The following NBAS variants were observed in gnomAD, a reference collection of about 807,000 sequenced individuals.
The protein encoded by NBAS is NBAS subunit of NRZ tethering complex.
In NBAS, 219 loss-of-function variants were observed where a neutral mutation model predicts 302.5. The observed-to-expected ratio is 0.72, with a 90% CI of 0.65 to 0.81. The LOEUF is 0.81. Ranked by LOEUF, NBAS falls within the 30% of genes least tolerant of loss-of-function variation. The pLI, the probability that NBAS is intolerant of heterozygous loss-of-function variation, is 0.00. For synonymous variants in NBAS, 1,118 were observed against 1,021.6 expected (o/e 1.09, Z -1.80); for missense variants, 2,932 against 2,841.6 (o/e 1.03, Z -0.72).
chr2:15,011,481 A>C, the NBAS span, among the ~76,000 whole-genome samples: 1 of 152,292 alleles, frequency 6.6e-6, no homozygotes, highest in South Asian at 2.1e-4. Context: ...GGAGAAACAG[A>C]CCCATGGGCC....
At chr2:15,459,988 AT>A (rs1295397161) in intron 21 of NBAS, among the ~76,000 whole-genome samples, 1 of 146,504 alleles carries the variant, frequency 6.8e-6, no homozygotes, top group Non-Finnish European at 1.5e-5. Context: ...TAATACCAAA[AT>A]TATTTGAAGA....
At chr2:14,971,076 A>G in the NBAS span, among the ~76,000 whole-genome samples, 338 of 152,206 alleles carry the variant, frequency 2.2e-3, no homozygotes, top group African/African-American at 7.9e-3. Context: ...AATTTTATTC[A>G]TTTTTCTCAT....
At chr2:14,976,984 T>C in the NBAS span, among the ~76,000 whole-genome samples, 1 of 152,182 alleles carries the variant, frequency 6.6e-6, no homozygotes, top group African/African-American at 2.4e-5. Flanking sequence ...TGGTAATTTA[T>C]TAAGACAGTC....
chr2:14,996,167 G>C, the NBAS span, among the ~76,000 whole-genome samples: 1 of 152,180 alleles, frequency 6.6e-6, no homozygotes, highest in Non-Finnish European at 1.5e-5. Context: ...AGACAGAAGA[G>C]ACCCCATTGG....
chr2:15,495,715 T>C (rs1681040986), intron 11 of NBAS, among the ~76,000 whole-genome samples: 1 of 151,926 alleles, frequency 6.6e-6, no homozygotes, highest in Non-Finnish European at 1.5e-5. Flanking sequence ...GGTTATAAGG[T>C]TATGTACCTT....
chr2:15,482,261 G>C (rs1680460051), intron 12 of NBAS, among the ~76,000 whole-genome samples: 1 of 152,040 alleles, frequency 6.6e-6, no homozygotes, highest in Non-Finnish European at 1.5e-5. Flanking sequence ...CTCCCGAGTA[G>C]CTGGGAATAT....
rs574496845 is a variant in NBAS, at chr2:15,231,864, G to A, written c.6236+558C>T. Among the ~76,000 whole-genome samples the A allele has an allele frequency of 2.1e-3, 323 of 152,156 alleles. 2 individuals carry two copies. Among genetic ancestry groups the A allele is most frequent in the South Asian group, 0.016 (77 of 4,812 alleles). ...CATTGTAAAGACTTTTATGAATTTC[G>A]AGGACATGCATAACTGTTCATTTGT... On this transcript the variant is annotated intron_variant, in intron 47 of 51. Coordinates refer to ENST00000281513, the MANE Select transcript of NBAS (RefSeq NM_015909.4).
At chr2:15,395,403 G>C (rs1438760964) in intron 27 of NBAS, among the ~76,000 whole-genome samples, 3 of 152,022 alleles carry the variant, frequency 2.0e-5, no homozygotes, top group African/African-American at 7.2e-5. Flanking sequence ...GGGATGGCAG[G>C]CACAAGCCAA....
chr2:15,120,192 C>T, the NBAS span, among the ~76,000 whole-genome samples: 24 of 152,192 alleles, frequency 1.6e-4, no homozygotes, highest in Non-Finnish European at 2.4e-4. Flanking sequence ...TAGGAAAGCA[C>T]GGCAGCTTAG....
the NBAS span, among the ~76,000 whole-genome samples, chr2:14,879,361 C>T: frequency 1.3e-5 from 2 of 152,104 alleles, no homozygotes; most frequent in Non-Finnish European, 2.9e-5. Flanking sequence ...TGCCATGTGG[C>T]AAGTTTATCA....
At chr2:15,070,704 A>T in the NBAS span, among the ~76,000 whole-genome samples, 1 of 152,052 alleles carries the variant, frequency 6.6e-6, no homozygotes, top group East Asian at 1.9e-4. Flanking sequence ...CAGGGTGTGC[A>T]CTTGTCCTCA....
At chr2:15,040,046 T>C in the NBAS span, among the ~76,000 whole-genome samples, 1 of 152,204 alleles carries the variant, frequency 6.6e-6, no homozygotes. Context: ...AGGAGCACTC[T>C]GCGAGGATGG....
the NBAS span, among the ~76,000 whole-genome samples, chr2:14,812,028 C>T: frequency 4.6e-5 from 7 of 152,222 alleles, no homozygotes; most frequent in East Asian, 1.9e-4. Context: ...TGTTTGTTGG[C>T]CAAGTGGTTC....
At chr2:15,319,267 A>T (rs572823620) in intron 38 of NBAS, among the ~76,000 whole-genome samples, 1 of 152,376 alleles carries the variant, frequency 6.6e-6, no homozygotes, top group East Asian at 1.9e-4. Flanking sequence ...AGGGAACTTT[A>T]TAGCACTAAA....
chr2:15,178,164 C>T (rs1043606412), intron 51 of NBAS: 2 of 470,068 alleles, frequency 4.3e-6, no homozygotes, highest in Admixed American at 4.7e-5. Flanking sequence ...TATCCTGCCA[C>T]ATTTTTGTTT....
chr2:15,121,722 C>CA, the NBAS span, among the ~76,000 whole-genome samples: 2 of 105,504 alleles, frequency 1.9e-5, no homozygotes, highest in East Asian at 2.9e-4. Context: ...TGCAGATATA[C>CA]AAAAAAAATT....
At chr2:14,941,328 C>T in the NBAS span, among the ~76,000 whole-genome samples, 10 of 152,174 alleles carry the variant, frequency 6.6e-5, no homozygotes, top group African/African-American at 2.2e-4. Context: ...CAGAGCAATG[C>T]TGGGAGGGTG....
chr2:15,091,420 T>A, the NBAS span, among the ~76,000 whole-genome samples: 1 of 152,344 alleles, frequency 6.6e-6, no homozygotes, highest in South Asian at 2.1e-4. Flanking sequence ...GATAAAGACC[T>A]TTATGAAGAT....
the NBAS span, among the ~76,000 whole-genome samples, chr2:14,880,377 A>G: frequency 2.0e-5 from 3 of 152,140 alleles, no homozygotes; most frequent in Non-Finnish European, 4.4e-5. Context: ...TCAATTCCAC[A>G]TAAAATAAAG....
Sources: allele counts gnomAD v4.1 joint callset (sites outside exome capture counted in the v4.1 genomes callset), GRCh38; gene constraint gnomAD v4.1.1; transcripts MANE v1.5; gene names NCBI Gene and HGNC (gene_info 2026-07-23, HGNC 2026-07-21).